The following DGKG variants were observed in gnomAD, a reference collection of about 807,000 sequenced individuals.
DGKG encodes diacylglycerol kinase gamma, also known as DAG kinase gamma.
A neutral mutation model predicts 105.3 loss-of-function variants in DGKG; 78 were observed. That is an observed-to-expected ratio of 0.74 (90% CI 0.62 to 0.89). The LOEUF is 0.89. Among genes scored for constraint, DGKG ranks in the 40% least tolerant of loss-of-function variants. The probability of loss-of-function intolerance (pLI) is 0.00; values close to 1 mark genes in which losing one functional copy is unlikely to be tolerated. For missense variants in DGKG, 958 were observed against 1,020.1 expected (o/e 0.94, Z 0.83); for synonymous variants, 346 against 367.1 (o/e 0.94, Z 0.66).
chr3:186,269,606 A>G (rs1183316271), intron 11 of DGKG, among the ~76,000 whole-genome samples: 1 of 152,234 alleles, frequency 6.6e-6, no homozygotes, highest in East Asian at 1.9e-4. Flanking sequence ...CTCCAGACCA[A>G]ATAAATTAGA....
intron 1 of DGKG, among the ~76,000 whole-genome samples, chr3:186,339,221 G>T (rs76097764): frequency 0.045 from 6,831 of 152,182 alleles, 506 homozygotes; most frequent in African/African-American, 0.16. Context: ...CTATGGGGGA[G>T]GCAAAGATGA....
chr3:186,251,663 A>C, intron 19 of DGKG, 96 bp downstream of exon 19: 1 of 1,439,102 alleles, frequency 6.9e-7, no homozygotes, highest in South Asian at 1.2e-5. Context: ...CAGGTAAGAC[A>C]GGTAGACACT....
At chr3:186,236,878 C>T (rs1720445373) in intron 20 of DGKG, among the ~76,000 whole-genome samples, 1 of 152,256 alleles carries the variant, frequency 6.6e-6, no homozygotes, top group Non-Finnish European at 1.5e-5. Flanking sequence ...TAGAATAACA[C>T]ATTCCGCAAG....
intron 20 of DGKG, among the ~76,000 whole-genome samples, chr3:186,224,461 C>G (rs1028216737): frequency 6.6e-6 from 1 of 152,138 alleles, no homozygotes; most frequent in Admixed American, 6.5e-5. Context: ...CCACCATGCC[C>G]GCAGGCAGAC....
intron 19 of DGKG, among the ~76,000 whole-genome samples, chr3:186,247,433 C>A (rs1381227032): frequency 6.6e-6 from 1 of 152,122 alleles, no homozygotes; most frequent in African/African-American, 2.4e-5. Flanking sequence ...TATTCTAGGT[C>A]CTTCAAAAGA....
rs376157402 is a variant in DGKG, at chr3:186,298,118, C to T, written c.256G>A (p.Glu86Lys). The T allele has an allele frequency of 3.3e-5, 54 of 1,613,938 alleles. No individual in the cohort carries two copies. Among genetic ancestry groups the T allele is most frequent in the Admixed American group, 3.0e-4 (18 of 59,982 alleles). ...CCCTCCGTCGGGTGGTCAGAGGTCT[C>T]GTGTCTGGGCTTCTGGCTGAAGGCC... ...FLAFSQKPRH[E>K]TSDHPTEGAS... The change falls in exon 4 of 25, where the codon GAG becomes AAG. Residue 86 changes from glutamate to lysine, a missense_variant. Transcript: ENST00000265022.
intron 2 of DGKG, among the ~76,000 whole-genome samples, chr3:186,316,747 A>G (rs537009789): frequency 1.3e-5 from 2 of 152,314 alleles, no homozygotes; most frequent in East Asian, 1.9e-4. Flanking sequence ...AAACAACAAG[A>G]GCCTCTCCTA....
rs73056009 is a variant in DGKG at position 186,219,558 on chromosome 3, C to T, written c.1827-7673G>A. 9.2e-3 allele frequency among the ~76,000 whole-genome samples: 1,403 copies of T among 152,138 alleles called. 10 individuals are homozygous for T. Among genetic ancestry groups the T allele is most frequent in the Middle Eastern group, 0.031 (9 of 294 alleles). On this transcript the variant is annotated intron_variant, in intron 20 of 24. Coordinates refer to ENST00000265022, the MANE Select transcript of DGKG (RefSeq NM_001346.3). ...TCCTGCCAACAGATTTGTGTTGGCT[C>T]GATGTGTTTCAGCTTCAAGGCGCGA...
chr3:186,243,972 C>T (rs1720814839), intron 19 of DGKG, among the ~76,000 whole-genome samples: 1 of 146,164 alleles, frequency 6.8e-6, no homozygotes, highest in Admixed American at 7.0e-5. Context: ...TCTCGTCTCA[C>T]TGCAACCTCT....
In DGKG at chr3:186,188,283, C is replaced by A. The variant is rs1294322355; in HGVS notation, c.2014G>T (p.Glu672Ter). ...ATCACAGCCCGGTTCTTCTTGTTTTCTCCCCAGAGATTGGTGCCTCCGTAC... is the reference window on the plus strand; with the variant it reads ...ATCACAGCCCGGTTCTTCTTGTTTTATCCCCAGAGATTGGTGCCTCCGTAC... ...SMYGGTNLWG[E>*]NKKNRAVIRE... is the part of the protein sequence containing the mutation. Residue 672 changes from glutamate to a stop codon, truncating the protein, a stop_gained, in exon 22 of 25, where the codon GAA becomes TAA. Transcript: ENST00000265022. LOFTEE classifies it high-confidence loss of function. 1.9e-6 allele frequency: 3 copies of A among 1,614,184 alleles called. No homozygotes were observed. The highest frequency in any genetic ancestry group is 2.5e-6 in the Non-Finnish European group (3 of 1,180,038).
chr3:186,281,777 G>A (rs909769153), intron 7 of DGKG, among the ~76,000 whole-genome samples: 13 of 152,296 alleles, frequency 8.5e-5, no homozygotes, highest in African/African-American at 2.6e-4. Flanking sequence ...AAGATTTAAA[G>A]AGAAAACGTA....
At chr3:186,152,465 T>A (rs928155724) in intron 24 of DGKG, among the ~76,000 whole-genome samples, 5 of 152,214 alleles carry the variant, frequency 3.3e-5, no homozygotes, top group African/African-American at 1.2e-4. Context: ...CTCTCACTCC[T>A]GATCTCCCAT....
chr3:186,286,753 G>T (rs1176145188), intron 6 of DGKG, among the ~76,000 whole-genome samples: 1 of 152,144 alleles, frequency 6.6e-6, no homozygotes, highest in Non-Finnish European at 1.5e-5. Context: ...AAAATTGCAG[G>T]CCGGGTGCCA....
intron 14 of DGKG, among the ~76,000 whole-genome samples, chr3:186,262,952 C>A (rs1035488176): frequency 6.6e-6 from 1 of 152,082 alleles, no homozygotes; most frequent in Non-Finnish European, 1.5e-5. Context: ...CATGATGAAA[C>A]CCCGTCTCTA....
chr3:186,323,707 C>T (rs576436788), intron 1 of DGKG, among the ~76,000 whole-genome samples: 131 of 151,766 alleles, frequency 8.6e-4, no homozygotes, highest in Non-Finnish European at 1.6e-3. Flanking sequence ...GAGGCCGAGA[C>T]GGGCGGATCA....
At chr3:186,337,678 A>G (rs916620241) in intron 1 of DGKG, among the ~76,000 whole-genome samples, 2 of 152,142 alleles carry the variant, frequency 1.3e-5, no homozygotes, top group Non-Finnish European at 2.9e-5. Context: ...AGAAAAGGCA[A>G]ATCTGTCATT....
intron 1 of DGKG, among the ~76,000 whole-genome samples, chr3:186,326,346 C>T (rs1013528589): frequency 1.6e-4 from 25 of 151,628 alleles, no homozygotes; most frequent in Admixed American, 6.6e-5. Flanking sequence ...TTGCAGCGAG[C>T]CGAGATCCTG....
chr3:186,268,736 C>G (rs1722175328), intron 12 of DGKG, 65 bp downstream of exon 12: 4 of 1,188,218 alleles, frequency 3.4e-6, no homozygotes, highest in Admixed American at 3.4e-5. Context: ...ATTCACTGCT[C>G]CTGGGCTGCA....
At chr3:186,193,855 C>G (rs1439946101) in intron 21 of DGKG, among the ~76,000 whole-genome samples, 1 of 152,258 alleles carries the variant, frequency 6.6e-6, no homozygotes, top group Non-Finnish European at 1.5e-5. Context: ...GCACCGTGGG[C>G]CATCCCTAAC....
Sources: allele counts gnomAD v4.1 joint callset (sites outside exome capture counted in the v4.1 genomes callset), GRCh38; gene constraint gnomAD v4.1.1; transcripts MANE v1.5; gene names NCBI Gene and HGNC (gene_info 2026-07-23, HGNC 2026-07-21).